The following USH2A variants were observed in gnomAD, a reference collection of about 807,000 sequenced individuals.
The protein encoded by USH2A is usherin, also known as Usher syndrome 2A (autosomal recessive, mild).
USH2A carries 443 observed loss-of-function variants against 538.9 expected under a neutral mutation model. The ratio of observed to expected loss-of-function variants is 0.82; its 90% CI spans 0.76 to 0.89. The LOEUF is 0.89. USH2A is among the 40% of genes least tolerant of loss of function. The pLI is 0.00. For synonymous variants in USH2A, 2,413 were observed against 2,273.5 expected, an observed-to-expected ratio of 1.06 and a Z score of -1.75; for missense variants, 6,633 against 6,324.8, an observed-to-expected ratio of 1.05 and a Z score of -1.65.
chr1:216,156,009 G>A (rs2033929824), intron 21 of USH2A, among the ~76,000 whole-genome samples: 1 of 152,044 alleles, frequency 6.6e-6, no homozygotes, highest in Admixed American at 6.6e-5. Flanking sequence ...CTTGGTATCA[G>A]GCTGTAACCT....
intron 3 of USH2A, among the ~76,000 whole-genome samples, chr1:216,396,939 A>G (rs570661314): frequency 6.6e-6 from 1 of 152,202 alleles, no homozygotes; most frequent in Non-Finnish European, 1.5e-5. Flanking sequence ...TTCCCCCTGA[A>G]GTATTTGTGG....
At chr1:215,776,570 T>G (rs1342164047) in intron 55 of USH2A, among the ~76,000 whole-genome samples, 1 of 152,112 alleles carries the variant, frequency 6.6e-6, no homozygotes, top group African/African-American at 2.4e-5. Context: ...GGACCTAGAT[T>G]TTCAGGCTCC....
intron 19 of USH2A, among the ~76,000 whole-genome samples, chr1:216,192,292 G>A (rs1428818247): frequency 6.6e-6 from 1 of 152,082 alleles, no homozygotes; most frequent in African/African-American, 2.4e-5. Flanking sequence ...GGTCAGTTCA[G>A]ATACAAATTT....
At chr1:216,352,771 G>A (rs948157712) in intron 4 of USH2A, among the ~76,000 whole-genome samples, 1 of 152,044 alleles carries the variant, frequency 6.6e-6, no homozygotes, top group African/African-American at 2.4e-5. Flanking sequence ...ATTAATAGGT[G>A]GTATGCCAGT....
intron 21 of USH2A, among the ~76,000 whole-genome samples, chr1:216,117,736 C>T (rs1188511973): frequency 6.6e-6 from 1 of 151,470 alleles, no homozygotes; most frequent in Non-Finnish European, 1.5e-5. Flanking sequence ...GAAAAAATAG[C>T]TTCTTGGCCC....
chr1:216,355,375 G>GA (rs748251919), intron 4 of USH2A, among the ~76,000 whole-genome samples: 5,796 of 133,694 alleles, frequency 0.043, 416 homozygotes, highest in African/African-American at 0.088. Flanking sequence ...AAGAAAGAAA[G>GA]AAGGAAAGAA....
At chr1:215,801,744 A>C (rs1662340755) in intron 49 of USH2A, among the ~76,000 whole-genome samples, 1 of 152,106 alleles carries the variant, frequency 6.6e-6, no homozygotes, top group Non-Finnish European at 1.5e-5. Flanking sequence ...TCAAAATCCC[A>C]ATGCTTTTTG....
intron 14 of USH2A, among the ~76,000 whole-genome samples, chr1:216,229,209 A>G (rs1464595971): frequency 1.3e-5 from 2 of 151,636 alleles, no homozygotes; most frequent in Non-Finnish European, 2.9e-5. Flanking sequence ...TGAATCATTC[A>G]TATTTTTAGA....
At chr1:215,703,579 A>C (rs1039930458) in intron 61 of USH2A, among the ~76,000 whole-genome samples, 34 of 152,178 alleles carry the variant, frequency 2.2e-4, no homozygotes, top group African/African-American at 8.0e-4. Context: ...GGATCTGCCC[A>C]GTCCAAACTT....
intron 32 of USH2A, among the ~76,000 whole-genome samples, chr1:216,030,380 G>T (rs1669083972): frequency 7.7e-6 from 1 of 129,590 alleles, no homozygotes; most frequent in Non-Finnish European, 1.6e-5. Flanking sequence ...ATGATATATA[G>T]ATATACATCA....
chr1:215,747,736 C>T (rs1660512336), intron 58 of USH2A, among the ~76,000 whole-genome samples: 1 of 152,152 alleles, frequency 6.6e-6, no homozygotes, highest in Admixed American at 6.5e-5. Flanking sequence ...TAGAAATTTC[C>T]ATCCAGAGTA....
chr1:215,942,416 A>G (rs1666656546), intron 37 of USH2A, among the ~76,000 whole-genome samples: 1 of 152,168 alleles, frequency 6.6e-6, no homozygotes, highest in African/African-American at 2.4e-5. Flanking sequence ...GTAAACAAGG[A>G]CATGAACACC....
At chr1:216,225,124 A>G (rs2035536285) in intron 14 of USH2A, among the ~76,000 whole-genome samples, 1 of 152,146 alleles carries the variant, frequency 6.6e-6, no homozygotes, top group African/African-American at 2.4e-5. Flanking sequence ...TCCTTTAAAA[A>G]ACAAAAATTT....
At chr1:216,083,411 G>T in intron 26 of USH2A, 45 bp downstream of exon 26, 1 of 1,585,186 alleles carries the variant, frequency 6.3e-7, no homozygotes, top group South Asian at 1.1e-5. Context: ...TTTTAAAGTT[G>T]GGTCCTATAT....
intron 21 of USH2A, among the ~76,000 whole-genome samples, chr1:216,160,007 GCT>G (rs1253639000): frequency 6.6e-6 from 1 of 151,708 alleles, no homozygotes; most frequent in African/African-American, 2.4e-5. Context: ...TCTAGTAATG[GCT>G]CTTTGCATCC....
rs2797235 is a variant in USH2A, at chr1:215,675,299, T to C, written c.12612A>G (p.Thr4204=). ...AAACAATTTTCTCGTCGGCCTGGAT[T>C]GTCTGATTTCCCCAAGCTTTTCCCT... ...CFEGKAWGNQ[T]IQADEKIVFT... is the part of the protein sequence containing the mutation. Residue 4204 remains threonine, a synonymous_variant, in exon 63 of 72, where the codon ACA becomes ACG. Coordinates refer to ENST00000307340, the MANE Select transcript of USH2A (RefSeq NM_206933.4). 0.79 allele frequency: 1,270,947 copies of C among 1,613,914 alleles called. 503,136 individuals are homozygous for C. Among genetic ancestry groups the C allele is most frequent in the Non-Finnish European group, 0.81 (957,711 of 1,179,988 alleles).
chr1:216,338,646 A>G (rs2102675194), intron 4 of USH2A, among the ~76,000 whole-genome samples: 1 of 151,650 alleles, frequency 6.6e-6, no homozygotes, highest in South Asian at 2.1e-4. Flanking sequence ...TATTTTTACA[A>G]TCAATATAAT....
At chr1:216,128,135 T>A (rs934917557) in intron 21 of USH2A, among the ~76,000 whole-genome samples, 1 of 152,152 alleles carries the variant, frequency 6.6e-6, no homozygotes, top group Non-Finnish European at 1.5e-5. Context: ...CCTTGCAATT[T>A]AAAAAATTAC....
chr1:215,973,311 A>G (rs931956849), intron 35 of USH2A, among the ~76,000 whole-genome samples: 1 of 152,138 alleles, frequency 6.6e-6, no homozygotes, highest in African/African-American at 2.4e-5. Flanking sequence ...GTTAATTTTC[A>G]TTGAAACTAA....
Sources: gnomAD v4.1 joint callset for allele counts (sites outside exome capture counted in the v4.1 genomes callset) on GRCh38, gnomAD v4.1.1 for gene constraint, MANE v1.5 for transcripts, NCBI Gene and HGNC (gene_info 2026-07-23, HGNC 2026-07-21) for gene names.